Variants in CABIN1 observed in about 807,000 individuals in gnomAD.
CABIN1 encodes the protein calcineurin-binding protein cabin-1.
In CABIN1, 133 loss-of-function variants were observed where a neutral mutation model predicts 227.7. The ratio of observed to expected loss-of-function variants is 0.58; its 90% CI spans 0.51 to 0.67. The LOEUF is 0.67. Among genes scored for constraint, CABIN1 ranks in the 30% least tolerant of loss-of-function variants. The probability of loss-of-function intolerance (pLI) is 0.00; values close to 1 mark genes in which losing one functional copy is unlikely to be tolerated. For synonymous variants in CABIN1, 1,086 were observed against 1,155.1 expected (o/e 0.94, Z 1.21); for missense variants, 2,408 against 2,852.5 (o/e 0.84, Z 3.55).
chr22:24,118,060 A>G (rs1045777896), intron 27 of CABIN1, among the ~76,000 whole-genome samples: 41 of 152,060 alleles, frequency 2.7e-4, no homozygotes, highest in Admixed American at 3.9e-4. Context: ...GGCCACCTCA[A>G]AGGGTAGGGG....
Position 24,178,189 on chromosome 22 carries a change from A to G in CABIN1, c.6656A>G (p.Asp2219Gly), listed in dbSNP as rs776392883. Residue 2219 changes from aspartate (D) to glycine (G), a missense_variant, in exon 37 of 37, where the codon GAC becomes GGC. This residue lies in a region of CABIN1 where 714 missense variants were observed against 773.8 expected (regional missense o/e 0.92). Transcript: ENST00000263119. Reference protein sequence around the residue: ...SETDEDDDYMDI With the variant: ...SETDEDDDYMGI ...ACAGACGAGGACGACGACTACATGGACATTTGAGGGGCCACTGCAGCCCCA... is the reference window on the plus strand; with the variant it reads ...ACAGACGAGGACGACGACTACATGGGCATTTGAGGGGCCACTGCAGCCCCA... 6.2e-6 allele frequency: 10 copies of G among 1,612,924 alleles called. No individual in the cohort carries two copies. Among genetic ancestry groups the G allele is most frequent in the Non-Finnish European group, 6.8e-6 (8 of 1,179,926 alleles).
Position 24,120,737 on chromosome 22 carries a change from C to T in CABIN1, c.4632+1039C>T, listed in dbSNP as rs551377594. 5.9e-5 allele frequency among the ~76,000 whole-genome samples: 9 copies of T among 152,254 alleles called. No homozygotes were observed. In the South Asian group the frequency reaches 1.2e-3, roughly 21 times the overall value. ...CTGAGTCATGAGAATTGCTCGAACC[C>T]GGGAGGCAGAGGTTGCAGTGAGCCA... On this transcript the variant is annotated intron_variant, in intron 28 of 36. Transcript: ENST00000263119.
chr22:24,154,535 G>A (rs545975756), intron 29 of CABIN1, among the ~76,000 whole-genome samples: 1 of 152,352 alleles, frequency 6.6e-6, no homozygotes, highest in South Asian at 2.1e-4. Flanking sequence ...ATGGTGAGGA[G>A]CCCCTTGTCC....
At chr22:24,102,892 C>T (rs1043547820) in intron 26 of CABIN1, 3 of 152,454 alleles carry the variant, frequency 2.0e-5, no homozygotes, top group East Asian at 3.9e-4. Context: ...TGCCAAACCC[C>T]CATTGTGGCC....
chr22:24,175,906 C>T (rs963353563), intron 34 of CABIN1: 3 of 659,380 alleles, frequency 4.5e-6, no homozygotes, highest in Non-Finnish European at 5.4e-6. Context: ...GGGTGGGGAG[C>T]CAGCCCCTAC....
At chr22:24,148,783 GGCTGCA>G (rs2045311798) in intron 29 of CABIN1, among the ~76,000 whole-genome samples, 2 of 152,364 alleles carry the variant, frequency 1.3e-5, no homozygotes, top group South Asian at 4.1e-4. Context: ...CACCCGCTCA[GGCTGCA>G]CCCCCCTGCA....
intron 7 of CABIN1, among the ~76,000 whole-genome samples, chr22:24,050,294 A>G (rs1004196964): frequency 1.3e-5 from 2 of 152,138 alleles, no homozygotes; most frequent in Non-Finnish European, 2.9e-5. Flanking sequence ...CTGAGGTGTA[A>G]CCCTGCTGGG....
rs199654281 is a variant in CABIN1 at position 24,049,025 on chromosome 22, TAACTGGCAAGGCCAG to T, written c.527-64_527-50del. 8.4e-4 allele frequency: 1,339 copies of T among 1,597,102 alleles called. 27 individuals carry two copies. The East Asian group carries it at 0.028, about 34-fold the overall frequency. Reference sequence around the variant, plus strand: ...TCTAGGAGCAGGATTTTCCTGATGTTAACTGGCAAGGCCAGAGCTTCTGAGTGCGGTCTCAGAAGT... The same window carrying T: ...TCTAGGAGCAGGATTTTCCTGATGTTAGCTTCTGAGTGCGGTCTCAGAAGT... On this transcript the variant is annotated intron_variant, in intron 6 of 36. Coordinates refer to ENST00000263119, the MANE Select transcript of CABIN1 (RefSeq NM_012295.4).
Position 24,035,473 on chromosome 22 carries a change from A to G in CABIN1, c.-45A>G. On this transcript the variant is annotated 5_prime_UTR_variant, in exon 2 of 37. Coordinates refer to ENST00000263119, the MANE Select transcript of CABIN1 (RefSeq NM_012295.4). Reference sequence around the variant, plus strand: ...GTTGTGGACTGGGGCAACCTTTGCCAGTGATGAGAAGTGATGCTCGTGGCA... The same window carrying G: ...GTTGTGGACTGGGGCAACCTTTGCCGGTGATGAGAAGTGATGCTCGTGGCA... 10 of 1,613,942 alleles carry G rather than the reference A, an allele frequency of 6.2e-6. No homozygotes were observed. The highest frequency in any genetic ancestry group is 8.5e-6 in the Non-Finnish European group (10 of 1,179,820).
intron 27 of CABIN1, among the ~76,000 whole-genome samples, chr22:24,118,414 T>C (rs1034302039): frequency 6.6e-6 from 1 of 152,094 alleles, no homozygotes; most frequent in African/African-American, 2.4e-5. Context: ...CTGGGGGCCT[T>C]GGTTGTTGCT....
chr22:24,043,185 G>A, intron 6 of CABIN1, 101 bp downstream of exon 6: 1 of 975,604 alleles, frequency 1.0e-6, no homozygotes, highest in Non-Finnish European at 1.6e-6. Flanking sequence ...AACACTGAAG[G>A]GGTTTGCCAG....
intron 2 of CABIN1, 94 bp from the exon 3 acceptor site, chr22:24,035,995 A>G (rs2036854609): frequency 3.5e-6 from 3 of 859,766 alleles, no homozygotes; most frequent in Non-Finnish European, 6.0e-6. Context: ...AATAGATCAT[A>G]TGCTGGAGCA....
In CABIN1 at chr22:24,178,252, C is replaced by CCCCTGGGCAGGA; in HGVS notation, c.*71_*82dup. The CCCCTGGGCAGGA allele has an allele frequency of 6.2e-7, 1 of 1,606,008 alleles. No individual in the cohort carries two copies. The highest frequency in any genetic ancestry group is 8.5e-7 in the Non-Finnish European group (1 of 1,176,800). On this transcript the variant is annotated 3_prime_UTR_variant, in exon 37 of 37. Coordinates refer to ENST00000263119, the MANE Select transcript of CABIN1 (RefSeq NM_012295.4). Reference sequence around the variant, plus strand: ...AGGGGACCAGCCAGGCCTGGAATGCCCCCTGGGCAGGACCCTGGGCAGGAC... The same window carrying CCCCTGGGCAGGA: ...AGGGGACCAGCCAGGCCTGGAATGCCCCCTGGGCAGGACCCTGGGCAGGACCCTGGGCAGGAC...
At chr22:24,080,010 T>C (rs1357010681) in intron 19 of CABIN1, among the ~76,000 whole-genome samples, 1 of 152,210 alleles carries the variant, frequency 6.6e-6, no homozygotes, top group Non-Finnish European at 1.5e-5. Flanking sequence ...ATGGGGGTAC[T>C]TTTACTTCCC....
intron 28 of CABIN1, among the ~76,000 whole-genome samples, chr22:24,128,868 T>C (rs946212726): frequency 6.6e-6 from 1 of 152,200 alleles, no homozygotes; most frequent in Non-Finnish European, 1.5e-5. Flanking sequence ...TTTGCACACC[T>C]GGAGTCACCA....
At position 24,019,650 on chromosome 22, in the gene CABIN1, CTTTTTTT is replaced by C. The variant is rs34361694; in HGVS notation, c.-75+8301_-75+8307del. Among the ~76,000 whole-genome samples the C allele has an allele frequency of 6.9e-5, 6 of 87,030 alleles. No individual in the cohort carries two copies. The East Asian group carries it at 1.5e-3, about 22-fold the overall frequency. The allele number at this position is 87,030 out of a possible 152,430, so 57.1% of individuals were successfully genotyped here. A position where few individuals can be genotyped will look rare whatever the true frequency, so the allele number is the denominator to read the frequency against. On this transcript the variant is annotated intron_variant, in intron 1 of 36. Coordinates refer to ENST00000263119, the MANE Select transcript of CABIN1 (RefSeq NM_012295.4). The stretch of plus-strand genomic sequence containing the variant: ...CAATTAGTGATAGCTTTTCTTTACC[CTTTTTTT>C]TTTTTTTTTTTTTTTTTGAGACGGA...
chr22:24,067,443 G>C (rs2039768841), intron 16 of CABIN1, among the ~76,000 whole-genome samples: 3 of 152,220 alleles, frequency 2.0e-5, no homozygotes, highest in Admixed American at 1.3e-4. Flanking sequence ...CTGTGTGGCA[G>C]AGGAGGAAGG....
In CABIN1 at chr22:24,094,000, C is replaced by G. The variant is rs976387730; in HGVS notation, c.3787-1931C>G. 2.0e-5 allele frequency among the ~76,000 whole-genome samples: 3 copies of G among 152,202 alleles called. No individual in the cohort carries two copies. In the East Asian group the frequency reaches 5.8e-4, roughly 29 times the overall value. ...GAGCAGCAGCTTGGCTGCGCTCATT[C>G]GCGGCGTTGGATCTCCGTCCTTCCC... On this transcript the variant is annotated intron_variant, in intron 24 of 36. Transcript: ENST00000263119.
intron 22 of CABIN1, 87 bp from the exon 23 acceptor site, chr22:24,087,365 T>C: frequency 6.4e-7 from 1 of 1,551,570 alleles, no homozygotes; most frequent in Non-Finnish European, 8.8e-7. Flanking sequence ...TTCCATGGGG[T>C]CCATCTGCCT....
Sources: gnomAD v4.1 joint callset for allele counts (sites outside exome capture counted in the v4.1 genomes callset) on GRCh38, gnomAD v4.1.1 for gene constraint, gnomAD v4.1.1 regional missense constraint, MANE v1.5 for transcripts, NCBI Gene and HGNC (gene_info 2026-07-23, HGNC 2026-07-21) for gene names.